STON2: variants seen among roughly 807,000 people sequenced by gnomAD.
The protein encoded by STON2 is stonin-2.
Under a neutral mutation model 65.7 loss-of-function variants are expected in STON2, and 29 were observed. The ratio of observed to expected loss-of-function variants is 0.44; its 90% CI spans 0.33 to 0.60. The LOEUF is 0.60. Among genes scored for constraint, STON2 ranks in the 20% least tolerant of loss-of-function variants. STON2 has a pLI of 0.03. For missense variants in STON2, 1,054 were observed against 1,118.1 expected (o/e 0.94, Z 0.82); for synonymous variants, 404 against 414.2 (o/e 0.98, Z 0.30).
chr14:81,379,515 T>C (rs1344548717), intron 3 of STON2, among the ~76,000 whole-genome samples: 1 of 152,266 alleles, frequency 6.6e-6, no homozygotes, highest in South Asian at 2.1e-4. Context: ...TTTACTTCAG[T>C]GTCAATTAAA....
intron 3 of STON2, among the ~76,000 whole-genome samples, chr14:81,387,034 G>A (rs145375380): frequency 6.6e-6 from 1 of 152,128 alleles, no homozygotes; most frequent in Non-Finnish European, 1.5e-5. Context: ...TGTAACTAGA[G>A]ATAGTCAGGA....
intron 3 of STON2, 112 bp from the exon 4 acceptor site, chr14:81,371,297 A>T (rs938952801): frequency 2.0e-6 from 2 of 1,004,376 alleles, no homozygotes; most frequent in African/African-American, 3.2e-5. Context: ...CTCAACAGTC[A>T]TATGAGGCAA....
At chr14:81,337,239 GATCTAATA>G (rs1238117830) in intron 4 of STON2, among the ~76,000 whole-genome samples, 1 of 152,146 alleles carries the variant, frequency 6.6e-6, no homozygotes, top group Non-Finnish European at 1.5e-5. Context: ...TGTTGGAAGT[GATCTAATA>G]ATGAATCAGA....
chr14:81,408,555 G>A (rs60996728), intron 2 of STON2, among the ~76,000 whole-genome samples: 2 of 152,116 alleles, frequency 1.3e-5, no homozygotes, highest in Non-Finnish European at 2.9e-5. Flanking sequence ...GTGTGTATGA[G>A]TGTGTGTATA....
chr14:81,262,363 A>G lies in STON2; in HGVS notation c.*6051T>C. ...CTTTAGGGAAGCTGGCTGCTAACAC[A>G]GCACCTGACCAGAGTAGACATTTGA... On this transcript the variant is annotated 3_prime_UTR_variant, in exon 8 of 8. Transcript: ENST00000614646. 1.0e-6 allele frequency: 1 copy of G among 985,466 alleles called. No homozygotes were observed. 61.0% of individuals were successfully genotyped at this position (985,466 alleles called of 1,614,324 possible).
chr14:81,300,792 T>A (rs1895940832), intron 5 of STON2, among the ~76,000 whole-genome samples: 1 of 152,220 alleles, frequency 6.6e-6, no homozygotes, highest in Non-Finnish European at 1.5e-5. Flanking sequence ...ATTTAAACAT[T>A]CACCTACTTT....
At chr14:81,311,760 T>G (rs909029080) in intron 5 of STON2, among the ~76,000 whole-genome samples, 6 of 152,168 alleles carry the variant, frequency 3.9e-5, no homozygotes, top group Non-Finnish European at 7.4e-5. Flanking sequence ...AGCAGATCCC[T>G]AGAAAACAAA....
chr14:81,375,775 C>T (rs1899224508), intron 3 of STON2, among the ~76,000 whole-genome samples: 1 of 151,506 alleles, frequency 6.6e-6, no homozygotes, highest in African/African-American at 2.4e-5. Flanking sequence ...TAAGTGATAA[C>T]ATGCCATCAC....
Position 81,278,610 on chromosome 14 carries a change from G to C in STON2, c.872C>G (p.Thr291Ser), listed in dbSNP as rs776784409. 6.3e-7 allele frequency: 1 copy of C among 1,594,258 alleles called. No homozygotes were observed. The highest frequency in any genetic ancestry group is 1.3e-5 in the African/African-American group (1 of 74,510). The change falls in exon 6 of 8, where the codon ACC becomes AGC. Residue 291 changes from threonine (T) to serine (S), a missense_variant. Physicochemically the swap from Thr to Ser is moderately conservative, Grantham distance 58 (BLOSUM62 1). Transcript: ENST00000614646. ...VTSARFPSWV[T>S]FDDNEVSCPL... ...GCAGCTGACTTCATTGTCATCAAAG[G>C]TGACCCAGCTGGGAAAACGAGCAGA...
chr14:81,274,565 T>G (rs1378128309), intron 6 of STON2, among the ~76,000 whole-genome samples: 1 of 152,062 alleles, frequency 6.6e-6, no homozygotes, highest in East Asian at 1.9e-4. Context: ...TCTTCCCCGG[T>G]GCTACATGTT....
intron 6 of STON2, among the ~76,000 whole-genome samples, chr14:81,271,476 C>A (rs1160145894): frequency 1.3e-5 from 2 of 152,210 alleles, no homozygotes; most frequent in Non-Finnish European, 2.9e-5. Flanking sequence ...AGCTCCCCTG[C>A]TAAGCAGCAG....
chr14:81,271,130 G>A (rs979023438), intron 6 of STON2, among the ~76,000 whole-genome samples: 2 of 152,082 alleles, frequency 1.3e-5, no homozygotes, highest in Admixed American at 1.3e-4. Context: ...GAGAAACAGG[G>A]GCCATCCTGC....
chr14:81,319,179 T>C (rs573761700), intron 5 of STON2, among the ~76,000 whole-genome samples: 2 of 152,306 alleles, frequency 1.3e-5, no homozygotes, highest in Admixed American at 1.3e-4. Context: ...ATAAAACAGA[T>C]TTTGTGGTTG....
rs576841524 is a variant in STON2, at chr14:81,397,967, CACTTTTAACAACT to C, written c.88+315_88+327del. Among the ~76,000 whole-genome samples the C allele has an allele frequency of 5.6e-3, 860 of 152,304 alleles. 12 individuals are homozygous for C. The highest frequency in any genetic ancestry group is 0.02 in the African/African-American group (823 of 41,568). The stretch of plus-strand genomic sequence containing the variant: ...CAAGCACTCTGGCTCCAGAGCCTGT[CACTTTTAACAACT>C]ACTTTTAATAACTACATTTTAAAAA... On this transcript the variant is annotated intron_variant, in intron 2 of 7. Transcript: ENST00000614646.
At chr14:81,384,080 C>T (rs1177358090) in intron 3 of STON2, among the ~76,000 whole-genome samples, 1 of 152,084 alleles carries the variant, frequency 6.6e-6, no homozygotes, top group Non-Finnish European at 1.5e-5. Context: ...AGGCTTGCTG[C>T]CCCATTTCCC....
At chr14:81,411,354 A>G (rs1003040874) in intron 2 of STON2, among the ~76,000 whole-genome samples, 8 of 152,224 alleles carry the variant, frequency 5.3e-5, no homozygotes, top group African/African-American at 1.9e-4. Flanking sequence ...CTTAAATAGG[A>G]TATTTATTCA....
chr14:81,405,350 C>T (rs1247996490), intron 2 of STON2, among the ~76,000 whole-genome samples: 2 of 151,746 alleles, frequency 1.3e-5, no homozygotes, highest in Non-Finnish European at 2.9e-5. Context: ...TATATATTCA[C>T]TCATTGTGAC....
In STON2 at chr14:81,277,581, T is replaced by C. The variant is rs369258169; in HGVS notation, c.1901A>G (p.Asp634Gly). ...TTTGCTCACAATGCCAGAGAATTCA[T>C]CTCTGACATCCACTGTAATCTCCTC... ...LEEEITVDVR[D>G]EFSGIVSKGD... is the part of the protein sequence containing the mutation. The change falls in exon 6 of 8, where the codon GAT becomes GGT. Residue 634 changes from aspartate (D) to glycine (G), a missense_variant. Physicochemically the swap from Asp to Gly is moderately conservative, Grantham distance 94 (BLOSUM62 -1). Transcript: ENST00000614646. 1.2e-6 allele frequency: 2 copies of C among 1,614,062 alleles called. No homozygotes were observed. Among genetic ancestry groups the C allele is most frequent in the African/African-American group, 1.3e-5 (1 of 74,928 alleles).
intron 4 of STON2, among the ~76,000 whole-genome samples, chr14:81,367,865 C>T (rs755469917): frequency 7.9e-5 from 12 of 152,192 alleles, no homozygotes; most frequent in Middle Eastern, 3.2e-3. Context: ...TGGAAGCATT[C>T]CCTAGCACCT....
Sources: allele counts gnomAD v4.1 joint callset (sites outside exome capture counted in the v4.1 genomes callset), GRCh38; gene constraint gnomAD v4.1.1; transcripts MANE v1.5; gene names NCBI Gene and HGNC (gene_info 2026-07-23, HGNC 2026-07-21).